The following SMIM14 variants were observed in gnomAD, a reference collection of about 807,000 sequenced individuals.
SMIM14 encodes the protein small integral membrane protein 14.
SMIM14 carries 5 observed loss-of-function variants against 12.6 expected under a neutral mutation model. The observed-to-expected ratio is 0.40, with a 90% CI of 0.21 to 0.83. The LOEUF (loss-of-function observed/expected upper bound fraction) is 0.83. SMIM14 is among the 40% of genes least tolerant of loss of function. The probability of loss-of-function intolerance (pLI) is 0.37; values close to 1 mark genes in which losing one functional copy is unlikely to be tolerated. For missense variants in SMIM14, 86 were observed against 119.1 expected (o/e 0.72, Z 1.29); for synonymous variants, 30 against 40.1 (o/e 0.75, Z 0.95).
At chr4:39,634,342 G>A (rs1716016074) in intron 1 of SMIM14, among the ~76,000 whole-genome samples, 1 of 152,176 alleles carries the variant, frequency 6.6e-6, no homozygotes, top group Admixed American at 6.5e-5. Flanking sequence ...ATCCTGTCCT[G>A]AACAAAAACA....
chr4:39,554,046 T>C (rs1438454566), intron 4 of SMIM14, among the ~76,000 whole-genome samples: 2 of 152,222 alleles, frequency 1.3e-5, no homozygotes, highest in African/African-American at 4.8e-5. Flanking sequence ...GCACATTTGC[T>C]TTCTCTTATA....
At chr4:39,622,790 G>A (rs1715553367) in intron 1 of SMIM14, among the ~76,000 whole-genome samples, 1 of 152,190 alleles carries the variant, frequency 6.6e-6, no homozygotes, top group African/African-American at 2.4e-5. Flanking sequence ...TTATCTCTGG[G>A]TGGCAGGATT....
intron 1 of SMIM14, among the ~76,000 whole-genome samples, chr4:39,631,516 G>A (rs558554479): frequency 3.9e-5 from 6 of 151,992 alleles, no homozygotes; most frequent in East Asian, 3.9e-4. Context: ...AAAATTAGCC[G>A]GGCATGGTGG....
chr4:39,623,529 C>A (rs1715581417), intron 1 of SMIM14, among the ~76,000 whole-genome samples: 1 of 152,170 alleles, frequency 6.6e-6, no homozygotes, highest in South Asian at 2.1e-4. Context: ...CCAGCCAAAT[C>A]TTCACAGTGA....
rs182763303 is a variant in SMIM14, at chr4:39,556,658, G to C, written c.125-88C>G. The C allele has an allele frequency of 3.4e-4, 387 of 1,129,050 alleles. No individual in the cohort carries two copies. The African/African-American group carries it at 5.4e-3, about 16-fold the overall frequency. 69.9% of individuals were successfully genotyped at this position (1,129,050 alleles called of 1,614,324 possible). A position where few individuals can be genotyped will look rare whatever the true frequency, so the allele number is the denominator to read the frequency against. On this transcript the variant is annotated intron_variant, in intron 3 of 4. Coordinates refer to ENST00000295958, the MANE Select transcript of SMIM14 (RefSeq NM_174921.3). ...TGTTTAAATGTCAGTTTCAATTACT[G>C]TATTAATATAAAAATTGTATTGATA... is the stretch of plus-strand genomic sequence containing the variant.
intron 1 of SMIM14, among the ~76,000 whole-genome samples, chr4:39,636,091 T>C (rs1716074673): frequency 6.8e-6 from 1 of 147,140 alleles, no homozygotes; most frequent in Admixed American, 7.1e-5. Context: ...GAGAATCACT[T>C]GAACCCGGGA....
intron 2 of SMIM14, among the ~76,000 whole-genome samples, chr4:39,597,520 T>C (rs1714420839): frequency 6.8e-6 from 1 of 147,418 alleles, no homozygotes; most frequent in African/African-American, 2.5e-5. Flanking sequence ...CTAAGCTCAC[T>C]GCAAGCTCTG....
At chr4:39,592,595 A>G (rs1010426869) in intron 2 of SMIM14, 1 of 152,172 alleles carries the variant, frequency 6.6e-6, no homozygotes, top group African/African-American at 2.4e-5. Flanking sequence ...ATTAAGAATT[A>G]TTGAACAGCT....
At chr4:39,587,643 T>C (rs535800035) in intron 2 of SMIM14, among the ~76,000 whole-genome samples, 7 of 152,010 alleles carry the variant, frequency 4.6e-5, no homozygotes, top group Non-Finnish European at 8.8e-5. Flanking sequence ...CTGTGGCTCA[T>C]GCCTGTAATC....
At chr4:39,580,578 G>A (rs1249513729) in intron 2 of SMIM14, among the ~76,000 whole-genome samples, 1 of 151,828 alleles carries the variant, frequency 6.6e-6, no homozygotes, top group South Asian at 2.1e-4. Context: ...CGAGGCTGGA[G>A]TACAGTGGTG....
intron 2 of SMIM14, among the ~76,000 whole-genome samples, chr4:39,592,028 AC>A (rs1714111811): frequency 7.3e-6 from 1 of 137,426 alleles, no homozygotes; most frequent in African/African-American, 2.8e-5. Flanking sequence ...CCCCATCTCT[AC>A]AAAAAAAAAT....
At chr4:39,622,646 C>G (rs115129250) in intron 1 of SMIM14, among the ~76,000 whole-genome samples, 1 of 152,206 alleles carries the variant, frequency 6.6e-6, no homozygotes, top group East Asian at 1.9e-4. Context: ...AGTGATCCGC[C>G]GCCTCTGCCT....
intron 1 of SMIM14, chr4:39,611,859 T>C (rs1276203574): frequency 6.6e-6 from 1 of 152,130 alleles, no homozygotes; most frequent in African/African-American, 2.4e-5. Context: ...AAGAATAAGG[T>C]AGATTTCTAC....
intron 2 of SMIM14, among the ~76,000 whole-genome samples, chr4:39,599,067 T>G (rs563823604): frequency 6.6e-6 from 1 of 152,196 alleles, no homozygotes; most frequent in Non-Finnish European, 1.5e-5. Context: ...GAAAGCATAC[T>G]CCCCCAACTT....
intron 3 of SMIM14, among the ~76,000 whole-genome samples, chr4:39,565,439 C>T (rs1712521480): frequency 6.6e-6 from 1 of 152,162 alleles, no homozygotes; most frequent in South Asian, 2.1e-4. Context: ...GATCTCCTAA[C>T]TCAGCATCCA....
chr4:39,569,743 A>C (rs1712785914), intron 3 of SMIM14, among the ~76,000 whole-genome samples: 1 of 151,666 alleles, frequency 6.6e-6, no homozygotes, highest in Non-Finnish European at 1.5e-5. Flanking sequence ...TCTCAAAAAA[A>C]AAAGAAAAAA....
At chr4:39,612,140 T>G (rs372045535) in intron 1 of SMIM14, 3 of 152,136 alleles carry the variant, frequency 2.0e-5, no homozygotes, top group African/African-American at 7.2e-5. Context: ...TGATTAGCTT[T>G]CACATTAGAG....
chr4:39,618,636 C>T (rs1378947432), intron 1 of SMIM14, among the ~76,000 whole-genome samples: 5 of 119,914 alleles, frequency 4.2e-5, no homozygotes, highest in African/African-American at 1.6e-4. Flanking sequence ...GGCGACAGAG[C>T]GAGACTCCAT....
At chr4:39,607,133 C>T (rs1011689924) in intron 1 of SMIM14, among the ~76,000 whole-genome samples, 1 of 152,122 alleles carries the variant, frequency 6.6e-6, no homozygotes, top group African/African-American at 2.4e-5. Flanking sequence ...GAGAACCCAT[C>T]TCTGAAAAAA....
Sources: gnomAD v4.1 joint callset for allele counts (sites outside exome capture counted in the v4.1 genomes callset) on GRCh38, gnomAD v4.1.1 for gene constraint, MANE v1.5 for transcripts, NCBI Gene and HGNC (gene_info 2026-07-23, HGNC 2026-07-21) for gene names.